Variants in FKBP9 observed in about 807,000 individuals in gnomAD.
FKBP9 encodes peptidyl-prolyl cis-trans isomerase FKBP9.
In FKBP9, 27 loss-of-function variants were observed where a neutral mutation model predicts 55.6. The observed-to-expected ratio is 0.49, with a 90% confidence interval of 0.36 to 0.67. FKBP9 has a LOEUF of 0.67. FKBP9 is among the 30% of genes least tolerant of loss of function. The pLI, the probability that FKBP9 is intolerant of heterozygous loss-of-function variation, is 0.00. For synonymous variants in FKBP9, 267 were observed against 296.5 expected, an observed-to-expected ratio of 0.90 and a Z score of 1.02; for missense variants, 539 against 742.8, an observed-to-expected ratio of 0.73 and a Z score of 3.19.
intron 6 of FKBP9, among the ~76,000 whole-genome samples, chr7:32,992,085 T>C (rs1784695199): frequency 6.6e-6 from 1 of 152,036 alleles, no homozygotes; most frequent in African/African-American, 2.4e-5. Flanking sequence ...CCCATATGTG[T>C]CCTAGACAGA....
At chr7:32,967,705 T>C (rs895821389) in intron 1 of FKBP9, among the ~76,000 whole-genome samples, 2 of 152,226 alleles carry the variant, frequency 1.3e-5, no homozygotes, top group Non-Finnish European at 2.9e-5. Flanking sequence ...TGTGCAAATA[T>C]CTGAGTTGTT....
intron 9 of FKBP9, 131 bp from the exon 10 acceptor site, chr7:33,005,044 A>G (rs1016804032): frequency 1.1e-4 from 160 of 1,435,404 alleles, no homozygotes; most frequent in Non-Finnish European, 1.4e-4. Context: ...GCTGCCAAAA[A>G]GATCTTGTCT....
At chr7:32,971,632 C>T (rs1465729166) in intron 1 of FKBP9, among the ~76,000 whole-genome samples, 1 of 152,154 alleles carries the variant, frequency 6.6e-6, no homozygotes, top group Admixed American at 6.5e-5. Context: ...ATGCACATAC[C>T]GCCATGCTCA....
chr7:32,976,173 T>A (rs1784359872), intron 3 of FKBP9, among the ~76,000 whole-genome samples, 181 bp from the exon 4 acceptor site: 1 of 152,202 alleles, frequency 6.6e-6, no homozygotes, highest in Non-Finnish European at 1.5e-5. Flanking sequence ...TGCTTTTTAT[T>A]TCTTTCTAAA....
chr7:32,965,812 A>AAAAAAAAT (rs1554284289), intron 1 of FKBP9, among the ~76,000 whole-genome samples: 20 of 34,940 alleles, frequency 5.7e-4, no homozygotes, highest in African/African-American at 2.4e-3. Context: ...AAAAAAAAAA[A>AAAAAAAAT]ATATATATAT....
At chr7:32,967,699 C>G (rs1034796119) in intron 1 of FKBP9, among the ~76,000 whole-genome samples, 2 of 152,136 alleles carry the variant, frequency 1.3e-5, no homozygotes, top group African/African-American at 4.8e-5. Context: ...CATGTGTGTG[C>G]AAATATCTGA....
chr7:32,975,468 A>G, intron 3 of FKBP9, 97 bp downstream of exon 3: 1 of 954,976 alleles, frequency 1.0e-6, no homozygotes, highest in Non-Finnish European at 1.6e-6. Context: ...GGATACCAGA[A>G]TAAGGACTCT....
chr7:32,983,028 G>T (rs916075316), intron 5 of FKBP9, among the ~76,000 whole-genome samples: 2 of 149,384 alleles, frequency 1.3e-5, no homozygotes, highest in Non-Finnish European at 3.0e-5. Flanking sequence ...GTGTGTCTAT[G>T]TGTGTGTGTT....
At chr7:32,966,295 A>G (rs1051128385) in intron 1 of FKBP9, among the ~76,000 whole-genome samples, 3 of 151,336 alleles carry the variant, frequency 2.0e-5, no homozygotes, top group Admixed American at 6.6e-5. Context: ...TGTGTTGACT[A>G]TGATGTCTCT....
At chr7:32,982,957 G>A (rs370309231) in intron 5 of FKBP9, among the ~76,000 whole-genome samples, 15 of 150,110 alleles carry the variant, frequency 1.0e-4, no homozygotes, top group Admixed American at 5.3e-4. Context: ...GGGATACATC[G>A]CTAGAAGAAT....
chr7:32,985,817 A>AC (rs1471277646), intron 5 of FKBP9, among the ~76,000 whole-genome samples: 2 of 151,694 alleles, frequency 1.3e-5, no homozygotes, highest in African/African-American at 2.4e-5. Flanking sequence ...ACATGGTGAA[A>AC]CCCCGTCTCT....
At position 32,996,240 on chromosome 7, in the gene FKBP9, A is replaced by G. The variant is rs1029857682; in HGVS notation, c.1117A>G (p.Ile373Val). The part of the protein sequence containing the change: ...DFHNPSDSIS[I>V]TSHYKPPDCS... ...CCACAACCCTTCGGACTCCATCAGCATCACCTCCCACTACAAACCCCCTGA... is the reference window on the plus strand; with the variant it reads ...CCACAACCCTTCGGACTCCATCAGCGTCACCTCCCACTACAAACCCCCTGA... The change falls in exon 7 of 10, where the codon ATC (isoleucine) becomes GTC (valine). Residue 373 changes from isoleucine (I) to valine (V), a missense_variant. Physicochemically the swap from Ile to Val is conservative, Grantham distance 29. Coordinates refer to ENST00000242209, the MANE Select transcript of FKBP9 (RefSeq NM_007270.5). 1.1e-5 allele frequency: 18 copies of G among 1,613,994 alleles called. No homozygotes were observed. Among genetic ancestry groups the G allele is most frequent in the Non-Finnish European group, 1.4e-5 (17 of 1,179,970 alleles).
At position 33,006,530 on chromosome 7, in the gene FKBP9, A is replaced by G; in HGVS notation, c.*1179A>G. The G allele has an allele frequency of 4.9e-6, 1 of 202,474 alleles. No homozygotes were observed. Among genetic ancestry groups the G allele is most frequent in the Non-Finnish European group, 1.0e-5 (1 of 98,502 alleles). 12.5% of individuals were successfully genotyped at this position (202,474 alleles called of 1,614,324 possible). A position where few individuals can be genotyped will look rare whatever the true frequency, so the allele number is the denominator to read the frequency against. ...GGCTGGGCCCCGCTGGTCACTCAAC[A>G]GAGTATTTCCCTTGGCCGAGATGGA... On this transcript the variant is annotated 3_prime_UTR_variant, in exon 10 of 10. Transcript: ENST00000242209.
intron 7 of FKBP9, among the ~76,000 whole-genome samples, chr7:32,999,145 C>T (rs1332335639): frequency 6.6e-6 from 1 of 152,100 alleles, no homozygotes; most frequent in Non-Finnish European, 1.5e-5. Context: ...AAAACACAAA[C>T]CCTGTCTTGG....
intron 9 of FKBP9, among the ~76,000 whole-genome samples, chr7:33,003,723 T>A (rs1784975015): frequency 6.6e-6 from 1 of 152,222 alleles, no homozygotes; most frequent in Admixed American, 6.5e-5. Context: ...CACTTCATGG[T>A]GTTCCTTCTA....
At chr7:32,970,089 G>T (rs1257355279) in intron 1 of FKBP9, among the ~76,000 whole-genome samples, 4 of 151,570 alleles carry the variant, frequency 2.6e-5, no homozygotes, top group Admixed American at 6.6e-5. Context: ...GGTAGGAATT[G>T]CATTGAATCA....
intron 6 of FKBP9, 173 bp downstream of exon 6, chr7:32,988,825 C>T: frequency 1.6e-6 from 1 of 619,400 alleles, no homozygotes; most frequent in Non-Finnish European, 2.7e-6. Flanking sequence ...AACTCTTGGC[C>T]TCAAGTGATC....
chr7:33,000,158 C>A lies in FKBP9; in HGVS notation c.1270C>A (p.Gln424Lys). Residue 424 changes from glutamine (Q) to lysine (K), a missense_variant, in exon 8 of 10, where the codon CAA (glutamine) becomes AAA (lysine). Gln to Lys is a moderately conservative substitution (Grantham distance 53, BLOSUM62 1). Coordinates refer to ENST00000242209, the MANE Select transcript of FKBP9 (RefSeq NM_007270.5). ...TTACAATATTGTTCTGGGATCTGGGCAAGTTGTGTTGGGGATGGACATGGG... is the reference window on the plus strand; with the variant it reads ...TTACAATATTGTTCTGGGATCTGGGAAAGTTGTGTTGGGGATGGACATGGG... Reference protein sequence around the residue: ...KTYNIVLGSGQVVLGMDMGLR... With the variant: ...KTYNIVLGSGKVVLGMDMGLR... The A allele has an allele frequency of 6.2e-7, 1 of 1,613,936 alleles. No homozygotes were observed. The highest frequency in any genetic ancestry group is 8.5e-7 in the Non-Finnish European group (1 of 1,179,952).
At chr7:32,979,349 C>G (rs563074558) in intron 4 of FKBP9, 8 of 624,952 alleles carry the variant, frequency 1.3e-5, no homozygotes, top group Non-Finnish European at 2.3e-5. Flanking sequence ...TGAAAAGATA[C>G]AGTAAGGCAC....
Sources: gnomAD v4.1 joint callset for allele counts (sites outside exome capture counted in the v4.1 genomes callset) on GRCh38, gnomAD v4.1.1 for gene constraint, MANE v1.5 for transcripts, NCBI Gene and HGNC (gene_info 2026-07-23, HGNC 2026-07-21) for gene names.